The following PTPN4 variants were observed in gnomAD, a reference collection of about 807,000 sequenced individuals.
The protein encoded by PTPN4 is tyrosine-protein phosphatase non-receptor type 4.
In PTPN4, 49 loss-of-function variants were observed where a neutral mutation model predicts 135.5. The ratio of observed to expected loss-of-function variants is 0.36; its 90% CI spans 0.29 to 0.46. The LOEUF (loss-of-function observed/expected upper bound fraction) is 0.46, where lower values mean the gene tolerates loss of function less well. Among genes scored for constraint, PTPN4 ranks in the 20% least tolerant of loss-of-function variants. The pLI is 1.00. For synonymous variants in PTPN4, 333 were observed against 369.9 expected (o/e 0.90, Z 1.14); for missense variants, 860 against 1,101.0 (o/e 0.78, Z 3.10).
At chr2:119,821,276 AGAGAT>A (rs1255397220) in intron 2 of PTPN4, among the ~76,000 whole-genome samples, 1 of 151,878 alleles carries the variant, frequency 6.6e-6, no homozygotes. Context: ...TATTTTTAGT[AGAGAT>A]GAGGTTTCAC....
chr2:119,912,574 G>A (rs930110636), intron 10 of PTPN4, among the ~76,000 whole-genome samples: 1 of 152,050 alleles, frequency 6.6e-6, no homozygotes, highest in East Asian at 1.9e-4. Flanking sequence ...TACATAATTG[G>A]CATTCCAGTA....
chr2:119,884,567 A>G (rs1360850973), intron 8 of PTPN4, among the ~76,000 whole-genome samples: 2 of 152,314 alleles, frequency 1.3e-5, no homozygotes, highest in African/African-American at 4.8e-5. Flanking sequence ...AGTAAATTCC[A>G]TTCATAGTGA....
At chr2:119,971,209 G>A (rs1370334933) in intron 26 of PTPN4, among the ~76,000 whole-genome samples, 6 of 152,192 alleles carry the variant, frequency 3.9e-5, no homozygotes, top group African/African-American at 2.4e-5. Context: ...AAGCAAGCAG[G>A]TCTTCACATG....
chr2:119,910,638 A>G (rs1678557542), intron 10 of PTPN4, among the ~76,000 whole-genome samples: 1 of 152,160 alleles, frequency 6.6e-6, no homozygotes, highest in Non-Finnish European at 1.5e-5. Flanking sequence ...TGATAGGGAC[A>G]GTTTCCCCCA....
At chr2:119,960,225 A>G (rs1029999266) in intron 22 of PTPN4, among the ~76,000 whole-genome samples, 12 of 152,180 alleles carry the variant, frequency 7.9e-5, no homozygotes, top group African/African-American at 2.9e-4. Context: ...TTTAAAAAAA[A>G]TTTAATCTCA....
chr2:119,946,341 C>T lies in PTPN4; in HGVS notation c.1516C>T (p.Pro506Ser). 1 of 1,590,982 alleles carries T rather than the reference C, an allele frequency of 6.3e-7. No homozygotes were observed. Among genetic ancestry groups the T allele is most frequent in the Non-Finnish European group, 8.6e-7 (1 of 1,169,286 alleles). ...AGTTATTTAATTTTGTCTTTTTAAG[C>T]CTAATGGTGGTATTCCACATGATAA... ...DIPSSPEKPT[P>S]NGGIPHDNLV... The change falls in exon 17 of 27, where the codon CCT becomes TCT. Residue 506 changes from proline (P) to serine (S), a missense_variant and splice_region_variant. This residue lies in a region of PTPN4 where 684 missense variants were observed against 807.0 expected (regional missense o/e 0.85). Coordinates refer to ENST00000263708, the MANE Select transcript of PTPN4 (RefSeq NM_002830.4).
At chr2:119,852,963 T>A (rs946193130) in intron 2 of PTPN4, among the ~76,000 whole-genome samples, 1 of 152,228 alleles carries the variant, frequency 6.6e-6, no homozygotes, top group Non-Finnish European at 1.5e-5. Flanking sequence ...TGTTCTATTT[T>A]GATTTCATTA....
At chr2:119,936,244 C>T (rs961140694) in intron 15 of PTPN4, among the ~76,000 whole-genome samples, 4 of 152,132 alleles carry the variant, frequency 2.6e-5, no homozygotes, top group Non-Finnish European at 4.4e-5. Context: ...CCTCGTGATT[C>T]GCCCACCTCG....
rs181890380 is a variant in PTPN4, at chr2:119,762,237, C to T, written c.-18+1853C>T. Among the ~76,000 whole-genome samples, 57 of 151,812 alleles carry T rather than the reference C, an allele frequency of 3.8e-4. No homozygotes were observed. The South Asian group carries it at 5.4e-3, about 14-fold the overall frequency. On this transcript the variant is annotated intron_variant, in intron 1 of 26. Transcript: ENST00000263708. The stretch of plus-strand genomic sequence containing the variant: ...TTAAAAAAAGTATAGATCTCTCATA[C>T]TCGATTTAATCAGTTTGAGCATAGA...
At chr2:119,907,459 C>A (rs1158419967) in intron 10 of PTPN4, among the ~76,000 whole-genome samples, 1 of 152,058 alleles carries the variant, frequency 6.6e-6, no homozygotes, top group Non-Finnish European at 1.5e-5. Flanking sequence ...TAAAAATTAG[C>A]TGGGCATAAT....
In PTPN4 at chr2:119,926,503, C is replaced by G. The variant is rs1678826330; in HGVS notation, c.1002-95C>G. 6 of 771,138 alleles carry G rather than the reference C, an allele frequency of 7.8e-6. No individual in the cohort carries two copies. The South Asian group carries it at 1.7e-4, about 22-fold the overall frequency. 47.8% of individuals were successfully genotyped at this position (771,138 alleles called of 1,614,324 possible). A position where few individuals can be genotyped will look rare whatever the true frequency, so the allele number is the denominator to read the frequency against. ...CTTTTCTCTGCTAGAAATGTCTTGT[C>G]TCTTAGGAAGTTACACTATAATCAT... On this transcript the variant is annotated intron_variant, in intron 12 of 26. Coordinates refer to ENST00000263708, the MANE Select transcript of PTPN4 (RefSeq NM_002830.4).
chr2:119,782,398 G>A (rs1157257944), intron 1 of PTPN4, among the ~76,000 whole-genome samples: 2 of 152,006 alleles, frequency 1.3e-5, no homozygotes, highest in Non-Finnish European at 2.9e-5. Context: ...TAGCCTGGGC[G>A]ACAGAGCGAG....
At chr2:119,791,316 G>C (rs1691141511) in intron 1 of PTPN4, 1 of 152,042 alleles carries the variant, frequency 6.6e-6, no homozygotes, top group Admixed American at 6.6e-5. Context: ...TTTTAGTAGA[G>C]ATGGGGTTTC....
intron 2 of PTPN4, among the ~76,000 whole-genome samples, chr2:119,838,678 T>C (rs1370678492): frequency 6.6e-6 from 1 of 152,224 alleles, no homozygotes; most frequent in Non-Finnish European, 1.5e-5. Flanking sequence ...TCTGTAGATG[T>C]ATTATCCCTT....
At chr2:119,927,581 A>G (rs1678844691) in intron 13 of PTPN4, among the ~76,000 whole-genome samples, 1 of 152,218 alleles carries the variant, frequency 6.6e-6, no homozygotes, top group Admixed American at 6.5e-5. Context: ...GAACAAAAAC[A>G]TTGGTAATGG....
At chr2:119,763,759 G>A (rs1455481381) in intron 1 of PTPN4, among the ~76,000 whole-genome samples, 3 of 152,138 alleles carry the variant, frequency 2.0e-5, no homozygotes, top group Admixed American at 6.6e-5. Flanking sequence ...AAAATGTGAC[G>A]AGTGTGTCTG....
chr2:119,820,856 T>C (rs981939506), intron 2 of PTPN4, among the ~76,000 whole-genome samples: 1 of 130,744 alleles, frequency 7.6e-6, no homozygotes, highest in African/African-American at 2.9e-5. Context: ...ACTTTACATA[T>C]ATATATACAC....
chr2:119,792,840 C>T (rs367729384), intron 1 of PTPN4, among the ~76,000 whole-genome samples: 4 of 152,278 alleles, frequency 2.6e-5, no homozygotes, highest in African/African-American at 9.6e-5. Context: ...GCCCCCTGAG[C>T]TGCAAAACCA....
rs1677777122 is a variant in PTPN4, at chr2:119,862,595, G to A, written c.198G>A (p.Glu66=). The part of the protein sequence containing the change: ...DVVFKHLDLT[E]QDYFGLQLAD... ...TCTTCAAGCATCTAGATTTGACTGA[G>A]CAGGACTATTTTGGTTTACAGTTGG... The change falls in exon 3 of 27, where the codon GAG becomes GAA. Residue 66 remains glutamate (E), a synonymous_variant. Coordinates refer to ENST00000263708, the MANE Select transcript of PTPN4 (RefSeq NM_002830.4). 1 of 1,613,188 alleles carries A rather than the reference G, an allele frequency of 6.2e-7. No homozygotes were observed. Among genetic ancestry groups the A allele is most frequent in the Non-Finnish European group, 8.5e-7 (1 of 1,179,554 alleles).
Sources: gnomAD v4.1 joint callset for allele counts (sites outside exome capture counted in the v4.1 genomes callset) on GRCh38, gnomAD v4.1.1 for gene constraint, gnomAD v4.1.1 regional missense constraint, MANE v1.5 for transcripts, NCBI Gene and HGNC (gene_info 2026-07-23, HGNC 2026-07-21) for gene names.